ZNF700: variants seen among roughly 807,000 people sequenced by gnomAD.
The protein encoded by ZNF700 is zinc finger protein 700.
Under a neutral mutation model 65.3 loss-of-function variants are expected in ZNF700, and 38 were observed. The observed-to-expected ratio is 0.58, with a 90% CI of 0.45 to 0.76. The LOEUF is 0.76. ZNF700 is among the 30% of genes least tolerant of loss of function. The pLI is 0.00. For synonymous variants in ZNF700, 285 were observed against 290.4 expected (o/e 0.98, Z 0.19); for missense variants, 857 against 888.4 (o/e 0.96, Z 0.45).
intron 1 of ZNF700, among the ~76,000 whole-genome samples, chr19:11,941,460 CG>C (rs1318399734): frequency 6.6e-6 from 1 of 152,198 alleles, no homozygotes. Flanking sequence ...CAGCTAAGGC[CG>C]GGTGAGAAAT....
At chr19:11,940,737 A>G (rs1972868490) in intron 1 of ZNF700, among the ~76,000 whole-genome samples, 1 of 152,186 alleles carries the variant, frequency 6.6e-6, no homozygotes, top group African/African-American at 2.4e-5. Context: ...CCCCACCCAC[A>G]TCCTGCTGAT....
In ZNF700 at chr19:11,950,698, A is replaced by G. The variant is rs1905695435; in HGVS notation, c.*445A>G. On this transcript the variant is annotated 3_prime_UTR_variant, in exon 4 of 4. Transcript: ENST00000254321. ...ATTAATGTAAACAATTATCATAAGTATACTAACATGTTATTCTTTTTAAAT... is the reference window on the plus strand; with the variant it reads ...ATTAATGTAAACAATTATCATAAGTGTACTAACATGTTATTCTTTTTAAAT... 1 of 236,312 alleles carries G rather than the reference A, an allele frequency of 4.2e-6. No homozygotes were observed. Among genetic ancestry groups the G allele is most frequent in the Non-Finnish European group, 8.6e-6 (1 of 116,596 alleles). The allele number at this position is 236,312 out of a possible 1,614,324, so 14.6% of individuals were successfully genotyped here. A position where few individuals can be genotyped will look rare whatever the true frequency, so the allele number is the denominator to read the frequency against.
intron 1 of ZNF700, among the ~76,000 whole-genome samples, chr19:11,944,586 C>T (rs117799061): frequency 0.013 from 1,957 of 152,328 alleles, 20 homozygotes; most frequent in Middle Eastern, 0.02. Context: ...CGGGTTACTT[C>T]ACCAGCTTTC....
chr19:11,941,252 G>A (rs1972878373), intron 1 of ZNF700, among the ~76,000 whole-genome samples: 1 of 152,268 alleles, frequency 6.6e-6, no homozygotes. Context: ...TCCTGCACCA[G>A]GGCTGCAGGT....
chr19:11,931,281 C>T (rs1205500113), intron 1 of ZNF700, among the ~76,000 whole-genome samples: 1 of 147,850 alleles, frequency 6.8e-6, no homozygotes, highest in Non-Finnish European at 1.5e-5. Context: ...CCAGCAAGGG[C>T]CCGCTTCCTG....
chr19:11,931,877 A>T (rs1163833439), intron 1 of ZNF700, among the ~76,000 whole-genome samples: 1 of 148,110 alleles, frequency 6.8e-6, no homozygotes, highest in Non-Finnish European at 1.5e-5. Flanking sequence ...ACACTTTAGG[A>T]GGTCAATGCA....
chr19:11,928,305 G>A (rs116351667), intron 1 of ZNF700, among the ~76,000 whole-genome samples: 429 of 152,206 alleles, frequency 2.8e-3, no homozygotes, highest in African/African-American at 9.8e-3. Flanking sequence ...AACTTAATTC[G>A]TAATGGTTTA....
chr19:11,950,454 C>T lies in ZNF700; in HGVS notation c.*201C>T. 2 of 714,398 alleles carry T rather than the reference C, an allele frequency of 2.8e-6. No homozygotes were observed. The highest frequency in any genetic ancestry group is 1.6e-5 in the South Asian group (1 of 60,852). The allele number at this position is 714,398 out of a possible 1,614,324, so 44.3% of individuals were successfully genotyped here. A position where few individuals can be genotyped will look rare whatever the true frequency, so the allele number is the denominator to read the frequency against. On this transcript the variant is annotated 3_prime_UTR_variant, in exon 4 of 4. Coordinates refer to ENST00000254321, the MANE Select transcript of ZNF700 (RefSeq NM_144566.3). ...CTTTTCAATGTCATGAAAGGACTCA[C>T]ACGGGAGAGAAACCCTATGAGTGTA...
intron 1 of ZNF700, among the ~76,000 whole-genome samples, chr19:11,940,592 A>G (rs867363391): frequency 6.6e-6 from 1 of 152,168 alleles, no homozygotes; most frequent in African/African-American, 2.4e-5. Flanking sequence ...TCATAAAAGC[A>G]GCGTGGACCC....
intron 1 of ZNF700, among the ~76,000 whole-genome samples, chr19:11,927,981 C>T (rs1171451490): frequency 6.6e-6 from 1 of 151,888 alleles, no homozygotes; most frequent in East Asian, 1.9e-4. Context: ...CCATAGAAGG[C>T]TGATGTATGA....
At chr19:11,942,914 C>A (rs1011182002) in intron 1 of ZNF700, among the ~76,000 whole-genome samples, 5 of 152,178 alleles carry the variant, frequency 3.3e-5, no homozygotes, top group Admixed American at 2.0e-4. Flanking sequence ...CTTATTCCCC[C>A]CTTTGAGAAT....
chr19:11,930,510 A>G (rs1486586892), intron 1 of ZNF700, among the ~76,000 whole-genome samples: 1 of 148,524 alleles, frequency 6.7e-6, no homozygotes, highest in East Asian at 1.9e-4. Context: ...AATGCATGCT[A>G]AGGTAACATA....
chr19:11,948,983 C>G lies in ZNF700; in HGVS notation c.959C>G (p.Ser320Cys), dbSNP rs1382457043. 1 of 1,608,392 alleles carries G rather than the reference C, an allele frequency of 6.2e-7. No homozygotes were observed. Among genetic ancestry groups the G allele is most frequent in the Non-Finnish European group, 8.5e-7 (1 of 1,178,888 alleles). ...ECGKAFAYTS[S>C]LRRHERTHSG... ...GGAAAAGCATTTGCATATACCAGTTCTCTTCGTAGACATGAAAGGACCCAC... is the reference window on the plus strand; with the variant it reads ...GGAAAAGCATTTGCATATACCAGTTGTCTTCGTAGACATGAAAGGACCCAC... The change falls in exon 4 of 4, where the codon TCT (serine) becomes TGT (cysteine). Residue 320 changes from serine (S) to cysteine (C), a missense_variant. Physicochemically the swap from Ser to Cys is moderately radical, Grantham distance 112 (BLOSUM62 -1). This residue lies in a region of ZNF700 where 603 missense variants were observed against 619.9 expected (regional missense o/e 0.97). Coordinates refer to ENST00000254321, the MANE Select transcript of ZNF700 (RefSeq NM_144566.3).
rs768224226 is a variant in ZNF700, at chr19:11,950,100, A to G, written c.2076A>G (p.Gln692=). 15 of 1,614,080 alleles carry G rather than the reference A, an allele frequency of 9.3e-6. No individual in the cohort carries two copies. Among genetic ancestry groups the G allele is most frequent in the African/African-American group, 1.3e-5 (1 of 74,932 alleles). Residue 692 remains glutamine, a synonymous_variant, in exon 4 of 4, where the codon CAA becomes CAG. Coordinates refer to ENST00000254321, the MANE Select transcript of ZNF700 (RefSeq NM_144566.3). ...GATTCACATCTGCCAAGATTCTTCA[A>G]ATACATGCAAGAACACACATTGGAG... ...GNGFTSAKIL[Q]IHARTHIGEK...
At position 11,933,286 on chromosome 19, in the gene ZNF700, A is replaced by G. The variant is rs968360939; in HGVS notation, c.63+8013A>G. Among the ~76,000 whole-genome samples the G allele has an allele frequency of 1.4e-4, 21 of 148,384 alleles. 5 individuals are homozygous for G. Among genetic ancestry groups the G allele is most frequent in the African/African-American group, 5.5e-4 (21 of 38,100 alleles). On this transcript the variant is annotated intron_variant, in intron 1 of 3. Coordinates refer to ENST00000254321, the MANE Select transcript of ZNF700 (RefSeq NM_144566.3). ...AAAAATGTTTTAAACCAAGGAAACCATATTGACTGTGTGTAGTGTATCCTA... is the reference window on the plus strand; with the variant it reads ...AAAAATGTTTTAAACCAAGGAAACCGTATTGACTGTGTGTAGTGTATCCTA...
rs562505652 is a variant in ZNF700 at position 11,945,588 on chromosome 19, G to A, written c.64-1593G>A. On this transcript the variant is annotated intron_variant, in intron 1 of 3. Coordinates refer to ENST00000254321, the MANE Select transcript of ZNF700 (RefSeq NM_144566.3). ...CGGCTGGGCCCCAGGCTTAACTTCT[G>A]TAGGTACGGGGGTTTGGTTGACTGC... 3.3e-5 allele frequency among the ~76,000 whole-genome samples: 5 copies of A among 152,184 alleles called. No individual in the cohort carries two copies. In the South Asian group the frequency reaches 6.2e-4, roughly 19 times the overall value.
chr19:11,928,140 G>A (rs1972660138), intron 1 of ZNF700, among the ~76,000 whole-genome samples: 1 of 151,992 alleles, frequency 6.6e-6, no homozygotes, highest in Admixed American at 6.6e-5. Context: ...TTGCCCACCA[G>A]CACACCTGGC....
chr19:11,946,471 A>G (rs1050098397), intron 1 of ZNF700, among the ~76,000 whole-genome samples: 5 of 152,118 alleles, frequency 3.3e-5, no homozygotes, highest in Admixed American at 6.5e-5. Context: ...CTCATTGGCT[A>G]TCTGTCCCTT....
chr19:11,925,851 C>A lies in ZNF700; in HGVS notation c.63+578C>A, dbSNP rs372247842. On this transcript the variant is annotated intron_variant, in intron 1 of 3. Coordinates refer to ENST00000254321, the MANE Select transcript of ZNF700 (RefSeq NM_144566.3). ...TGGCCGAGGGAAACACAACCCCAAG[C>A]AGCCTGGAGTAAGTGGTCCCGAGGC... Among the ~76,000 whole-genome samples the A allele has an allele frequency of 1.3e-4, 20 of 152,320 alleles. No individual in the cohort carries two copies. In the East Asian group the frequency reaches 2.7e-3, roughly 21 times the overall value.
Sources: gnomAD v4.1 joint callset for allele counts (sites outside exome capture counted in the v4.1 genomes callset) on GRCh38, gnomAD v4.1.1 for gene constraint, gnomAD v4.1.1 regional missense constraint, MANE v1.5 for transcripts, NCBI Gene and HGNC (gene_info 2026-07-23, HGNC 2026-07-21) for gene names.